DLEC1: variants seen among roughly 807,000 people sequenced by gnomAD.
DLEC1 encodes DLEC1 cilia and flagella associated protein.
DLEC1 carries 146 observed loss-of-function variants against 198.1 expected under a neutral mutation model. The observed-to-expected ratio is 0.74, with a 90% confidence interval of 0.64 to 0.85. The LOEUF (loss-of-function observed/expected upper bound fraction) is 0.85. DLEC1 is among the 40% of genes least tolerant of loss of function. The probability of loss-of-function intolerance (pLI) is 0.00; values close to 1 mark genes in which losing one functional copy is unlikely to be tolerated. For synonymous variants in DLEC1, 897 were observed against 866.8 expected (o/e 1.03, Z -0.61); for missense variants, 2,233 against 2,220.0 (o/e 1.01, Z -0.12).
At position 38,115,056 on chromosome 3, in the gene DLEC1, A is replaced by G; in HGVS notation, c.3856+3A>G. On this transcript the variant is annotated splice_donor_region_variant and intron_variant, in intron 27 of 36. Transcript: ENST00000308059. Reference sequence around the variant, plus strand: ...CCTGAATAACTCCAGCCCCTGTGGTAAGACATGCATGAGAGAAGTCAGTGT... The same window carrying G: ...CCTGAATAACTCCAGCCCCTGTGGTGAGACATGCATGAGAGAAGTCAGTGT... 6.2e-7 allele frequency: 1 copy of G among 1,613,878 alleles called. No individual in the cohort carries two copies. The highest frequency in any genetic ancestry group is 2.2e-5 in the East Asian group (1 of 44,862).
intron 2 of DLEC1, among the ~76,000 whole-genome samples, chr3:38,058,698 A>T (rs1696514143): frequency 6.6e-6 from 1 of 152,108 alleles, no homozygotes; most frequent in Non-Finnish European, 1.5e-5. Context: ...CACCACCAAG[A>T]GTGACCTGTA....
chr3:38,062,186 T>A lies in DLEC1; in HGVS notation c.691T>A (p.Cys231Ser). 6.2e-7 allele frequency: 1 copy of A among 1,614,218 alleles called. No homozygotes were observed. The highest frequency in any genetic ancestry group is 8.5e-7 in the Non-Finnish European group (1 of 1,180,048). Residue 231 changes from cysteine to serine, a missense_variant, in exon 4 of 37, where the codon TGT (cysteine) becomes AGT (serine). Cys to Ser is a moderately radical substitution (Grantham distance 112). Transcript: ENST00000308059. ...SAPKGISLPG[C>S]SKLTFSCEKR... ...TGCTGTAGGCATCTCCCTACCTGGA[T>A]GTTCAAAACTGACATTTAGCTGTGA...
At chr3:38,114,213 G>C (rs1235083570) in intron 25 of DLEC1, 129 bp from the exon 26 acceptor site, 1 of 749,362 alleles carries the variant, frequency 1.3e-6, no homozygotes, top group African/African-American at 1.7e-5. Context: ...AGAAGACAGA[G>C]TGGTACACAG....
At position 38,045,638 on chromosome 3, in the gene DLEC1, G is replaced by T; in HGVS notation, c.507G>T (p.Arg169=). Residue 169 remains arginine, a synonymous_variant, in exon 2 of 37, where the codon CGG becomes CGT. Transcript: ENST00000308059. ...CACGGGCTATTGCGGAAAATGAGCG[G>T]GTCATGAGCCAGGCTGGAGTACAGG... ...AQARAIAENE[R]VMSQAGVQDL... is the part of the protein sequence containing the mutation. 1 of 1,614,048 alleles carries T rather than the reference G, an allele frequency of 6.2e-7. No individual in the cohort carries two copies. The highest frequency in any genetic ancestry group is 8.5e-7 in the Non-Finnish European group (1 of 1,179,994).
chr3:38,117,584 C>T lies in DLEC1; in HGVS notation c.4458C>T (p.Asp1486=). ...GSMEFQCQAS[D]LIPEQPCSGV... is the part of the protein sequence containing the mutation. ...TGGAATTCCAGTGCCAGGCCAGTGA[C>T]CTCATTCCCGAGCAGCCCTGCTCTG... The change falls in exon 32 of 37, where the codon GAC becomes GAT. Residue 1486 remains aspartate, a synonymous_variant. Coordinates refer to ENST00000308059, the MANE Select transcript of DLEC1 (RefSeq NM_007335.4). 6.2e-7 allele frequency: 1 copy of T among 1,614,150 alleles called. No individual in the cohort carries two copies.
At chr3:38,054,067 AG>A (rs1182053743) in intron 2 of DLEC1, among the ~76,000 whole-genome samples, 21 of 152,228 alleles carry the variant, frequency 1.4e-4, no homozygotes, top group African/African-American at 4.8e-4. Flanking sequence ...GGAAGGCCGC[AG>A]GGTCCTCTGC....
chr3:38,071,415 G>A (rs1697309148), intron 6 of DLEC1, among the ~76,000 whole-genome samples: 1 of 152,198 alleles, frequency 6.6e-6, no homozygotes, highest in African/African-American at 2.4e-5. Context: ...ACGGGCTAGC[G>A]GCTTGTAACC....
Position 38,115,045 on chromosome 3 carries a change from G to A in DLEC1, c.3848G>A (p.Ser1283Asn). 3.1e-6 allele frequency: 5 copies of A among 1,613,930 alleles called. No individual in the cohort carries two copies. Among genetic ancestry groups the A allele is most frequent in the Non-Finnish European group, 4.2e-6 (5 of 1,179,916 alleles). The change falls in exon 27 of 37, where the codon AGC (serine) becomes AAC (asparagine). Residue 1283 changes from serine to asparagine, a missense_variant. By Grantham distance (46) the Ser-to-Asn change is conservative. Coordinates refer to ENST00000308059, the MANE Select transcript of DLEC1 (RefSeq NM_007335.4). ...VTRTLRLNNS[S>N]PCDIRLDWET... is the part of the protein sequence containing the mutation. ...CGAACCCTTCGCCTGAATAACTCCA[G>A]CCCCTGTGGTAAGACATGCATGAGA...
Position 38,116,259 on chromosome 3 carries a change from A to G in DLEC1, c.3857-194A>G, listed in dbSNP as rs185192199. On this transcript the variant is annotated intron_variant, in intron 27 of 36. Coordinates refer to ENST00000308059, the MANE Select transcript of DLEC1 (RefSeq NM_007335.4). The stretch of plus-strand genomic sequence containing the variant: ...ACTTCAGGTGATAGAGCCAAACGGC[A>G]TAAGCCTGTAAAGCCTTTTTAAAAT... 4.5e-4 allele frequency among the ~76,000 whole-genome samples: 68 copies of G among 152,344 alleles called. 1 individual carries two copies. The East Asian group carries it at 0.013, about 29-fold the overall frequency.
At chr3:38,063,096 G>GTAATAACGGGATAGTAATA (rs1376270220) in intron 5 of DLEC1, among the ~76,000 whole-genome samples, 2 of 152,120 alleles carry the variant, frequency 1.3e-5, no homozygotes, top group Admixed American at 1.3e-4. Flanking sequence ...TAGAGACATA[G>GTAATAACGGGATAGTAATA]GTCTTGAGTA....
At chr3:38,044,239 C>G (rs1043902708) in intron 1 of DLEC1, among the ~76,000 whole-genome samples, 2 of 151,786 alleles carry the variant, frequency 1.3e-5, no homozygotes, top group African/African-American at 4.8e-5. Flanking sequence ...AAGCAAGACT[C>G]CAGTTCTAAA....
At chr3:38,097,070 G>T in intron 15 of DLEC1, 112 bp from the exon 16 acceptor site, 1 of 1,071,210 alleles carries the variant, frequency 9.3e-7, no homozygotes, top group Non-Finnish European at 1.4e-6. Context: ...GGAATTAGCC[G>T]GGAAGTGTCA....
chr3:38,051,050 C>T (rs1701092245), intron 2 of DLEC1, among the ~76,000 whole-genome samples: 1 of 152,028 alleles, frequency 6.6e-6, no homozygotes, highest in South Asian at 2.1e-4. Flanking sequence ...CACAGACGGG[C>T]ACCACCACAC....
intron 6 of DLEC1, among the ~76,000 whole-genome samples, chr3:38,065,865 C>CCT (rs1183284218): frequency 2.6e-5 from 4 of 152,118 alleles, no homozygotes; most frequent in African/African-American, 9.7e-5. Flanking sequence ...GATAATAATT[C>CCT]CTCTCCCACC....
chr3:38,064,440 T>C (rs1412078152), intron 6 of DLEC1, among the ~76,000 whole-genome samples: 1 of 152,218 alleles, frequency 6.6e-6, no homozygotes, highest in African/African-American at 2.4e-5. Context: ...AAATCTGATC[T>C]CTCTTTCTTT....
chr3:38,115,860 G>T (rs1298001027), intron 27 of DLEC1, among the ~76,000 whole-genome samples: 1 of 151,976 alleles, frequency 6.6e-6, no homozygotes, highest in African/African-American at 2.4e-5. Context: ...GCAATGGGGA[G>T]CCCCAGCTTA....
chr3:38,056,840 A>T (rs572695152), intron 2 of DLEC1, among the ~76,000 whole-genome samples: 1 of 152,358 alleles, frequency 6.6e-6, no homozygotes, highest in Admixed American at 6.5e-5. Context: ...CTCACTTAGG[A>T]AAGAGCAAAA....
rs767624338 is a variant in DLEC1 at position 38,112,269 on chromosome 3, C to T, written c.3574C>T (p.Gln1192Ter). ...AGCTGCTTTCTTCCCTCACTTTTCC[C>T]AGGGCATGCTGGGGCCCTACCAGCA... ...KGAAFFPHFS[Q>*]GMLGPYQQLC... is the part of the protein sequence containing the mutation. The change falls in exon 25 of 37, where the codon CAG (glutamine) becomes TAG (stop). Residue 1192 changes from glutamine (Q) to a stop codon, truncating the protein, a stop_gained. Transcript: ENST00000308059. LOFTEE classifies it high-confidence loss of function. This position sits in a 1 kb window ranked among gnomAD's most constrained non-coding sequence, Gnocchi z 4.8. 9 of 1,614,176 alleles carry T rather than the reference C, an allele frequency of 5.6e-6. No individual in the cohort carries two copies. Among genetic ancestry groups the T allele is most frequent in the Non-Finnish European group, 6.8e-6 (8 of 1,180,024 alleles).
At chr3:38,095,793 T>C in intron 13 of DLEC1, 95 bp from the exon 14 acceptor site, 2 of 1,516,208 alleles carry the variant, frequency 1.3e-6, no homozygotes, top group East Asian at 4.6e-5. Context: ...ATGGCTAGGC[T>C]AAGGGGAGGA....
Sources: gnomAD v4.1 joint callset for allele counts (sites outside exome capture counted in the v4.1 genomes callset) on GRCh38, gnomAD v4.1.1 for gene constraint, Gnocchi (gnomAD v3.1) non-coding constraint, MANE v1.5 for transcripts, NCBI Gene and HGNC (gene_info 2026-07-23, HGNC 2026-07-21) for gene names.